The following PDE4B variants were observed in gnomAD, a reference collection of about 807,000 sequenced individuals.
PDE4B encodes the protein 3',5'-cyclic-AMP phosphodiesterase 4B.
Under a neutral mutation model 82.2 loss-of-function variants are expected in PDE4B, and 20 were observed. The ratio of observed to expected loss-of-function variants is 0.24; its 90% CI spans 0.17 to 0.35. PDE4B has a LOEUF of 0.35. PDE4B is among the 10% of genes least tolerant of loss of function. The pLI, the probability that PDE4B is intolerant of heterozygous loss-of-function variation, is 1.00. For missense variants in PDE4B, 655 were observed against 907.2 expected (o/e 0.72, Z 3.57); for synonymous variants, 320 against 318.9 (o/e 1.00, Z -0.04).
At position 65,805,110 on chromosome 1, in the gene PDE4B, G is replaced by A. The variant is rs1645740247; in HGVS notation, c.-71+11862G>A. On this transcript the variant is annotated intron_variant, in intron 1 of 16. Transcript: ENST00000341517. ...CTCCCGAGTAGCTGGGATTACAGGCGTGCACCACCAAGCCTGGATAAGTTT... is the reference window on the plus strand; with the variant it reads ...CTCCCGAGTAGCTGGGATTACAGGCATGCACCACCAAGCCTGGATAAGTTT... Among the ~76,000 whole-genome samples, 5 of 151,930 alleles carry A rather than the reference G, an allele frequency of 3.3e-5. No individual in the cohort carries two copies. In the South Asian group the frequency reaches 6.3e-4, roughly 19 times the overall value.
intron 3 of PDE4B, among the ~76,000 whole-genome samples, chr1:66,039,014 A>T (rs540000275): frequency 6.6e-6 from 1 of 152,066 alleles, no homozygotes; most frequent in Admixed American, 6.6e-5. Context: ...ACTCCCCCAG[A>T]ATCCCACAGA....
chr1:66,203,963 C>A (rs1649287073), intron 3 of PDE4B, among the ~76,000 whole-genome samples: 1 of 152,042 alleles, frequency 6.6e-6, no homozygotes, highest in African/African-American at 2.4e-5. Flanking sequence ...CTGTTTTTTC[C>A]CCATCTTTGT....
chr1:66,051,880 C>T (rs940998714), intron 3 of PDE4B, among the ~76,000 whole-genome samples: 2 of 152,132 alleles, frequency 1.3e-5, no homozygotes, highest in African/African-American at 2.4e-5. Flanking sequence ...AAAAGAAACA[C>T]TTCCCAGCTC....
chr1:66,185,751 G>A (rs563956263), intron 3 of PDE4B, among the ~76,000 whole-genome samples: 1 of 152,074 alleles, frequency 6.6e-6, no homozygotes, highest in Non-Finnish European at 1.5e-5. Flanking sequence ...TGTCAGATGA[G>A]TAGATTGCAA....
chr1:65,795,530 T>G (rs1439258206), intron 1 of PDE4B, among the ~76,000 whole-genome samples: 1 of 152,210 alleles, frequency 6.6e-6, no homozygotes, highest in African/African-American at 2.4e-5. Context: ...CCCCAGCTTC[T>G]GGGAGTGTGG....
intron 16 of PDE4B, among the ~76,000 whole-genome samples, chr1:66,371,423 T>A (rs2050777997): frequency 1.3e-5 from 2 of 152,040 alleles, no homozygotes; most frequent in Non-Finnish European, 2.9e-5. Flanking sequence ...GTTTCCTGTT[T>A]GTCCAACAAT....
At chr1:66,024,454 C>T (rs1557506010) in intron 3 of PDE4B, among the ~76,000 whole-genome samples, 1 of 152,120 alleles carries the variant, frequency 6.6e-6, no homozygotes, top group African/African-American at 2.4e-5. Context: ...AGCCATTCTG[C>T]TGTTGACCAA....
intron 3 of PDE4B, among the ~76,000 whole-genome samples, chr1:66,008,178 T>C (rs969268138): frequency 6.6e-6 from 1 of 152,158 alleles, no homozygotes; most frequent in Non-Finnish European, 1.5e-5. Context: ...GAAGAATTAA[T>C]TTCTACTTAC....
At chr1:65,852,207 G>A (rs1646339924) in intron 1 of PDE4B, among the ~76,000 whole-genome samples, 2 of 151,846 alleles carry the variant, frequency 1.3e-5, no homozygotes, top group Non-Finnish European at 2.9e-5. Flanking sequence ...GACTATCAGG[G>A]TTATGCTAAC....
intron 11 of PDE4B, 33 bp from the exon 12 acceptor site, chr1:66,363,374 C>G: frequency 6.3e-7 from 1 of 1,582,186 alleles, no homozygotes; most frequent in Non-Finnish European, 8.6e-7. Context: ...TGGACATCTA[C>G]TTATTTATGT....
At chr1:66,003,626 C>T (rs17128208) in intron 3 of PDE4B, among the ~76,000 whole-genome samples, 6,132 of 152,244 alleles carry the variant, frequency 0.04, 489 homozygotes, top group East Asian at 0.37. Flanking sequence ...TAAGCTGAGA[C>T]TATTTGTTGC....
intron 7 of PDE4B, among the ~76,000 whole-genome samples, chr1:66,314,967 T>G (rs1024786570): frequency 6.6e-6 from 1 of 152,214 alleles, no homozygotes; most frequent in Admixed American, 6.5e-5. Context: ...ACTTTGTGTC[T>G]ATGCACTCCT....
intron 1 of PDE4B, among the ~76,000 whole-genome samples, chr1:65,896,323 A>C (rs950403598): frequency 1.3e-5 from 2 of 152,158 alleles, no homozygotes; most frequent in Non-Finnish European, 2.9e-5. Context: ...AAGCTATCAG[A>C]TCTCATGAGA....
chr1:66,235,255 GT>G (rs1314009606), intron 3 of PDE4B, among the ~76,000 whole-genome samples: 1 of 152,174 alleles, frequency 6.6e-6, no homozygotes, highest in East Asian at 1.9e-4. Context: ...TGTTGTTCAA[GT>G]CTTCTATATC....
chr1:65,876,612 G>T (rs531355288), intron 1 of PDE4B, among the ~76,000 whole-genome samples: 1 of 152,146 alleles, frequency 6.6e-6, no homozygotes, highest in Non-Finnish European at 1.5e-5. Flanking sequence ...TTGGTGGCCA[G>T]AGTTCCCCAA....
chr1:65,922,669 G>C (rs959911303), intron 3 of PDE4B, among the ~76,000 whole-genome samples: 1 of 152,066 alleles, frequency 6.6e-6, no homozygotes, highest in Admixed American at 6.6e-5. Flanking sequence ...TCCTACTCAC[G>C]TGAGAAAGTA....
intron 3 of PDE4B, among the ~76,000 whole-genome samples, chr1:66,135,239 A>G (rs1646032871): frequency 6.6e-6 from 1 of 152,262 alleles, no homozygotes; most frequent in African/African-American, 2.4e-5. Context: ...GTTAAAGAAC[A>G]AAGATTACTT....
At chr1:65,896,275 C>G (rs1646909842) in intron 1 of PDE4B, among the ~76,000 whole-genome samples, 1 of 152,134 alleles carries the variant, frequency 6.6e-6, no homozygotes, top group South Asian at 2.1e-4. Flanking sequence ...TACATGGCAG[C>G]AGGCAAGAGA....
At chr1:66,184,102 C>G (rs1452226072) in intron 3 of PDE4B, among the ~76,000 whole-genome samples, 1 of 152,078 alleles carries the variant, frequency 6.6e-6, no homozygotes, top group East Asian at 1.9e-4. Context: ...AAAGGTAGGT[C>G]AGGCTATTAG....
Sources: gnomAD v4.1 joint callset for allele counts (sites outside exome capture counted in the v4.1 genomes callset) on GRCh38, gnomAD v4.1.1 for gene constraint, MANE v1.5 for transcripts, NCBI Gene and HGNC (gene_info 2026-07-23, HGNC 2026-07-21) for gene names.